POLR1F: variants seen among roughly 807,000 people sequenced by gnomAD.
POLR1F encodes the protein RNA polymerase I subunit F, also known as DNA-directed RNA polymerase I subunit RPA43.
In POLR1F, 23 loss-of-function variants were observed where a neutral mutation model predicts 21.8. The ratio of observed to expected loss-of-function variants is 1.05; its 90% CI spans 0.76 to 1.49. The LOEUF (loss-of-function observed/expected upper bound fraction) is 1.49. POLR1F is among the 40% of genes most tolerant of loss of function. The pLI is 0.00. For missense variants in POLR1F, 435 were observed against 412.1 expected, an observed-to-expected ratio of 1.06 and a Z score of -0.48; for synonymous variants, 162 against 152.8, an observed-to-expected ratio of 1.06 and a Z score of -0.45.
At position 19,700,248 on chromosome 7, in the gene POLR1F, A is replaced by T; in HGVS notation, c.429T>A (p.Ile143=). 2 of 1,613,840 alleles carry T rather than the reference A, an allele frequency of 1.2e-6. No homozygotes were observed. The highest frequency in any genetic ancestry group is 1.7e-6 in the Non-Finnish European group (2 of 1,179,756). The change falls in exon 3 of 4, where the codon ATT becomes ATA. Residue 143 remains isoleucine, a synonymous_variant. Transcript: ENST00000222567. ...TGAAACACCCATGTACTAAACAGCC[A>T]ATGTGGCTAGAAGACACTTTATTAA... ...GIVNKVSSSH[I]GCLVHGCFNA...
chr7:19,705,764 C>G (rs1253316452), intron 1 of POLR1F, among the ~76,000 whole-genome samples: 2 of 152,074 alleles, frequency 1.3e-5, no homozygotes, highest in African/African-American at 4.8e-5. Flanking sequence ...AGGAGAAAGA[C>G]CTAGTGGTGG....
intron 2 of POLR1F, 25 bp from the exon 3 acceptor site, chr7:19,700,305 C>A: frequency 6.3e-7 from 1 of 1,580,514 alleles, no homozygotes. Context: ...GAAGAAAGAG[C>A]GTAACATAAA....
intron 1 of POLR1F, among the ~76,000 whole-genome samples, chr7:19,705,849 A>G (rs1783515778): frequency 6.6e-6 from 1 of 152,046 alleles, no homozygotes; most frequent in African/African-American, 2.4e-5. Context: ...CTCCATCTCA[A>G]ACAAAGGAAC....
At position 19,708,954 on chromosome 7, in the gene POLR1F, C is replaced by A. The variant is rs150063001; in HGVS notation, c.63G>T (p.Gly21=). The part of the protein sequence containing the change: ...PAAASDGSLV[G]QAGVLPCLEL... ...CTAGGCAAGGCAGGACGCCAGCCTG[C>A]CCTACCAGAGACCCATCAGAAGCCG... The change falls in exon 1 of 4, where the codon GGG becomes GGT. Residue 21 remains glycine, a synonymous_variant. Coordinates refer to ENST00000222567, the MANE Select transcript of POLR1F (RefSeq NM_001002926.2). 8.1e-6 allele frequency: 13 copies of A among 1,612,046 alleles called. No homozygotes were observed. The highest frequency in any genetic ancestry group is 1.1e-5 in the Non-Finnish European group (13 of 1,179,512).
rs1562594580 is a variant in POLR1F, at chr7:19,697,208, C to CTT, written c.*1106_*1107dup. On this transcript the variant is annotated 3_prime_UTR_variant, in exon 4 of 4. Transcript: ENST00000222567. ...AATCCTCCCCCTTTTTTTCATACCA[C>CTT]TTAATACAATTATTAATTTTCTTAT... 1.3e-5 allele frequency: 2 copies of CTT among 152,088 alleles called. No individual in the cohort carries two copies. Among genetic ancestry groups the CTT allele is most frequent in the African/African-American group, 2.4e-5 (1 of 41,424 alleles). The allele number at this position is 152,088 out of a possible 1,614,324, so 9.4% of individuals were successfully genotyped here. A position where few individuals can be genotyped will look rare whatever the true frequency, so the allele number is the denominator to read the frequency against.
At position 19,707,223 on chromosome 7, in the gene POLR1F, T is replaced by G. The variant is rs57051972; in HGVS notation, c.254+1540A>C. Among the ~76,000 whole-genome samples, 11 of 152,316 alleles carry G rather than the reference T, an allele frequency of 7.2e-5. No individual in the cohort carries two copies. The East Asian group carries it at 1.5e-3, about 21-fold the overall frequency. Reference sequence around the variant, plus strand: ...CTAACCATTAAGTAAATGTTGTTTCTTAAACTGCAAATCTGATATGCCAGG... The same window carrying G: ...CTAACCATTAAGTAAATGTTGTTTCGTAAACTGCAAATCTGATATGCCAGG... On this transcript the variant is annotated intron_variant, in intron 1 of 3. Coordinates refer to ENST00000222567, the MANE Select transcript of POLR1F (RefSeq NM_001002926.2).
chr7:19,696,164 T>C lies in POLR1F; in HGVS notation c.*2152A>G, dbSNP rs1441968463. ...TGTGCCAAATGTTTTGAAGAATACA[T>C]AGTGGACACCATCATCAGTCTTTCT... On this transcript the variant is annotated 3_prime_UTR_variant, in exon 4 of 4. Transcript: ENST00000222567. 2 of 151,936 alleles carry C rather than the reference T, an allele frequency of 1.3e-5. No homozygotes were observed. Among genetic ancestry groups the C allele is most frequent in the Non-Finnish European group, 2.9e-5 (2 of 67,914 alleles). 9.4% of individuals were successfully genotyped at this position (151,936 alleles called of 1,614,324 possible). A position where few individuals can be genotyped will look rare whatever the true frequency, so the allele number is the denominator to read the frequency against.
At chr7:19,703,758 C>T (rs1436843579) in intron 2 of POLR1F, among the ~76,000 whole-genome samples, 1 of 152,102 alleles carries the variant, frequency 6.6e-6, no homozygotes, top group African/African-American at 2.4e-5. Flanking sequence ...CCATGACTGG[C>T]TAATTTTTTA....
intron 3 of POLR1F, among the ~76,000 whole-genome samples, chr7:19,698,950 T>TA (rs1323055051): frequency 1.3e-5 from 2 of 152,144 alleles, no homozygotes; most frequent in South Asian, 2.1e-4. Flanking sequence ...AATTTAACAT[T>TA]AAATGTTAAA....
intron 2 of POLR1F, among the ~76,000 whole-genome samples, chr7:19,703,272 TATG>T (rs979472966): frequency 1.8e-4 from 27 of 152,110 alleles, no homozygotes; most frequent in African/African-American, 6.5e-4. Flanking sequence ...AAAACCAACT[TATG>T]ATAAAATCAG....
chr7:19,698,835 G>A, intron 3 of POLR1F, 108 bp from the exon 4 acceptor site: 3 of 840,698 alleles, frequency 3.6e-6, no homozygotes, highest in Non-Finnish European at 5.1e-6. Flanking sequence ...AATGACTCCA[G>A]TACAAGACAC....
Position 19,698,358 on chromosome 7 carries a change from C to A in POLR1F, c.975G>T (p.Leu325Phe). 1 of 1,579,088 alleles carries A rather than the reference C, an allele frequency of 6.3e-7. No individual in the cohort carries two copies. Among genetic ancestry groups the A allele is most frequent in the South Asian group, 1.2e-5 (1 of 83,982 alleles). ...TCCCTTTTCTTTTTGGTGAGCATTT[C>A]AAAGGTGGGGTAAATTCGGCCTCTT... ...HSEEAEFTPP[L>F]KCSPKRKGKS... Residue 325 changes from leucine to phenylalanine, a missense_variant, in exon 4 of 4, where the codon TTG becomes TTT. Leu to Phe is a conservative substitution (Grantham distance 22). Coordinates refer to ENST00000222567, the MANE Select transcript of POLR1F (RefSeq NM_001002926.2).
intron 3 of POLR1F, among the ~76,000 whole-genome samples, chr7:19,699,209 G>A (rs1044512258): frequency 6.6e-6 from 1 of 152,076 alleles, no homozygotes; most frequent in Non-Finnish European, 1.5e-5. Context: ...ATAGTCCATT[G>A]TTCTACTTAG....
chr7:19,699,994 T>C, intron 3 of POLR1F, 78 bp downstream of exon 3: 1 of 1,246,548 alleles, frequency 8.0e-7, no homozygotes, highest in Non-Finnish European at 1.1e-6. Context: ...TCTTTAAAAT[T>C]AAAATAAAAT....
At chr7:19,699,104 A>G (rs1230559247) in intron 3 of POLR1F, among the ~76,000 whole-genome samples, 1 of 152,150 alleles carries the variant, frequency 6.6e-6, no homozygotes, top group Non-Finnish European at 1.5e-5. Flanking sequence ...ACCTAGGCTT[A>G]TTAACCAAAC....
chr7:19,708,151 C>G (rs975703942), intron 1 of POLR1F, among the ~76,000 whole-genome samples: 1 of 152,106 alleles, frequency 6.6e-6, no homozygotes, highest in African/African-American at 2.4e-5. Flanking sequence ...AACAGGCTCA[C>G]TAGTTCGACT....
chr7:19,701,862 G>A (rs761782512), intron 2 of POLR1F, among the ~76,000 whole-genome samples: 4 of 151,736 alleles, frequency 2.6e-5, no homozygotes, highest in Non-Finnish European at 5.9e-5. Flanking sequence ...AATTGTATAC[G>A]AAATAAATGC....
intron 1 of POLR1F, among the ~76,000 whole-genome samples, chr7:19,708,121 G>T (rs904474667): frequency 2.0e-5 from 3 of 152,128 alleles, no homozygotes; most frequent in East Asian, 1.9e-4. Flanking sequence ...ATACGTTTTG[G>T]TTTTTTCTCT....
intron 1 of POLR1F, chr7:19,705,545 G>A (rs1240897597): frequency 2.0e-5 from 3 of 152,378 alleles, no homozygotes; most frequent in East Asian, 1.9e-4. Flanking sequence ...GAAGCATTAC[G>A]GTTAAAGCTG....
Sources: allele counts gnomAD v4.1 joint callset (sites outside exome capture counted in the v4.1 genomes callset), GRCh38; gene constraint gnomAD v4.1.1; transcripts MANE v1.5; gene names NCBI Gene and HGNC (gene_info 2026-07-23, HGNC 2026-07-21).